The following VPS54 variants were observed in gnomAD, a reference collection of about 807,000 sequenced individuals.
VPS54 encodes the protein VPS54 subunit of GARP complex.
In VPS54, 45 loss-of-function variants were observed where a neutral mutation model predicts 121.5. That is an observed-to-expected ratio of 0.37 (90% CI 0.29 to 0.47). VPS54 has a LOEUF of 0.47. Ranked by LOEUF, VPS54 falls within the 20% of genes least tolerant of loss-of-function variation. The pLI, the probability that VPS54 is intolerant of heterozygous loss-of-function variation, is 0.99. For synonymous variants in VPS54, 371 were observed against 385.8 expected, an observed-to-expected ratio of 0.96 and a Z score of 0.45; for missense variants, 1,090 against 1,131.4, an observed-to-expected ratio of 0.96 and a Z score of 0.52.
At chr2:63,957,258 C>T (rs753050016) in intron 7 of VPS54, among the ~76,000 whole-genome samples, 41 of 151,830 alleles carry the variant, frequency 2.7e-4, no homozygotes, top group Non-Finnish European at 6.0e-4. Flanking sequence ...CTGGCTAACA[C>T]GGTGAAACCC....
At chr2:63,975,065 A>G in intron 3 of VPS54, 1 of 1,542,812 alleles carries the variant, frequency 6.5e-7, no homozygotes, top group Non-Finnish European at 8.7e-7. Flanking sequence ...TTCTTTTTTG[A>G]GACAGAGTCT....
At chr2:63,898,917 A>T (rs1672554207) in intron 21 of VPS54, among the ~76,000 whole-genome samples, 1 of 152,124 alleles carries the variant, frequency 6.6e-6, no homozygotes, top group Non-Finnish European at 1.5e-5. Flanking sequence ...TTTGTAAGGG[A>T]ATACAGTAGC....
intron 1 of VPS54, among the ~76,000 whole-genome samples, chr2:63,995,365 G>A (rs750237183): frequency 1.5e-4 from 23 of 152,180 alleles, no homozygotes; most frequent in South Asian, 8.3e-4. Flanking sequence ...ATGTTGGTTC[G>A]AGCTGGAGAA....
intron 5 of VPS54, among the ~76,000 whole-genome samples, chr2:63,967,854 C>A (rs990758429): frequency 6.6e-6 from 1 of 150,530 alleles, no homozygotes; most frequent in South Asian, 2.1e-4. Flanking sequence ...TTGGAAAGAA[C>A]AAGAAAGTAC....
chr2:64,003,275 C>T (rs1677969756), intron 1 of VPS54, among the ~76,000 whole-genome samples: 1 of 152,140 alleles, frequency 6.6e-6, no homozygotes, highest in African/African-American at 2.4e-5. Context: ...AGTTAACTAC[C>T]ATCTAGAAAC....
chr2:63,931,091 A>C (rs1459234183), intron 12 of VPS54, among the ~76,000 whole-genome samples: 1 of 152,238 alleles, frequency 6.6e-6, no homozygotes, highest in African/African-American at 2.4e-5. Flanking sequence ...CTTACTGCCA[A>C]AAGTAATTTA....
intron 1 of VPS54, among the ~76,000 whole-genome samples, chr2:63,984,452 T>C (rs1676947593): frequency 6.6e-6 from 1 of 152,158 alleles, no homozygotes; most frequent in African/African-American, 2.4e-5. Context: ...TCCTCATCAG[T>C]GAAATGGAGA....
At chr2:63,986,358 G>C (rs151172833) in intron 1 of VPS54, among the ~76,000 whole-genome samples, 2 of 152,090 alleles carry the variant, frequency 1.3e-5, no homozygotes, top group African/African-American at 4.8e-5. Context: ...ACAAATAAGG[G>C]AGAACATGTG....
chr2:63,915,581 G>A (rs912871971), intron 16 of VPS54, among the ~76,000 whole-genome samples: 2 of 152,176 alleles, frequency 1.3e-5, no homozygotes, highest in Non-Finnish European at 2.9e-5. Flanking sequence ...TCTGCCTAAA[G>A]AGCCAAAAGC....
chr2:63,967,275 C>T (rs999574659), intron 5 of VPS54, among the ~76,000 whole-genome samples: 1 of 151,926 alleles, frequency 6.6e-6, no homozygotes, highest in African/African-American at 2.4e-5. Flanking sequence ...TTTCTAATCC[C>T]TGCTTTGGTA....
chr2:63,911,618 C>G (rs148359752), intron 20 of VPS54, among the ~76,000 whole-genome samples: 254 of 152,322 alleles, frequency 1.7e-3, no homozygotes, highest in African/African-American at 5.7e-3. Flanking sequence ...ATGGACACCA[C>G]TTTATCTTGC....
intron 7 of VPS54, among the ~76,000 whole-genome samples, chr2:63,953,824 A>G (rs1326518205): frequency 1.3e-5 from 2 of 152,176 alleles, no homozygotes; most frequent in Non-Finnish European, 2.9e-5. Context: ...TATGGTTTTC[A>G]CTTCTTCAAT....
chr2:63,955,965 T>C (rs2104545518), intron 7 of VPS54, among the ~76,000 whole-genome samples: 1 of 152,244 alleles, frequency 6.6e-6, no homozygotes, highest in Middle Eastern at 3.4e-3. Context: ...AACTAAAATA[T>C]CACTTTCTGA....
rs1000837565 is a variant in VPS54 at position 63,920,685 on chromosome 2, C to G, written c.1870-58G>C. The G allele has an allele frequency of 1.4e-5, 15 of 1,042,218 alleles. No individual in the cohort carries two copies. The Middle Eastern group carries it at 1.0e-3, about 71-fold the overall frequency. The allele number at this position is 1,042,218 out of a possible 1,614,324, so 64.6% of individuals were successfully genotyped here. On this transcript the variant is annotated intron_variant, in intron 13 of 22. Transcript: ENST00000272322. ...TGTAACACCAAATTGAGTTATGAAA[C>G]CAAGTTAGTTTAACGATTATTATAA...
At position 63,975,282 on chromosome 2, in the gene VPS54, A is replaced by G. The variant is rs143438193; in HGVS notation, c.379-3038T>C. The G allele has an allele frequency of 6.9e-4, 256 of 372,288 alleles. 1 individual carries two copies. The highest frequency in any genetic ancestry group is 1.1e-3 in the Non-Finnish European group (222 of 206,358). 23.1% of individuals were successfully genotyped at this position (372,288 alleles called of 1,614,324 possible). A position where few individuals can be genotyped will look rare whatever the true frequency, so the allele number is the denominator to read the frequency against. On this transcript the variant is annotated intron_variant, in intron 3 of 22. Transcript: ENST00000272322. ...AAGCTGTTCTTGTCCATTCTTGGGC[A>G]TAGGGTGAACTAACTTTGGGAGGAA...
chr2:63,947,428 G>A lies in VPS54; in HGVS notation c.1200C>T (p.Ile400=). The part of the protein sequence containing the change: ...LKQRKLNFLE[I]YGEKMVITAK... Reference sequence around the variant, plus strand: ...CTGTAATAACCATTTTTTCACCATAGATTTCTAAAAAATTAAGCTTTCTTT... The same window carrying A: ...CTGTAATAACCATTTTTTCACCATAAATTTCTAAAAAATTAAGCTTTCTTT... The change falls in exon 9 of 23, where the codon ATC becomes ATT. Residue 400 remains isoleucine, a synonymous_variant. Coordinates refer to ENST00000272322, the MANE Select transcript of VPS54 (RefSeq NM_016516.3). 1.3e-6 allele frequency: 2 copies of A among 1,553,046 alleles called. No homozygotes were observed. Among genetic ancestry groups the A allele is most frequent in the East Asian group, 2.3e-5 (1 of 43,366 alleles).
intron 7 of VPS54, among the ~76,000 whole-genome samples, chr2:63,957,774 T>C (rs1174990187): frequency 6.6e-6 from 1 of 152,088 alleles, no homozygotes; most frequent in Non-Finnish European, 1.5e-5. Flanking sequence ...TAATTACAAA[T>C]CATGAAAAAG....
At chr2:63,963,309 T>C (rs1487253333) in intron 6 of VPS54, among the ~76,000 whole-genome samples, 2 of 152,146 alleles carry the variant, frequency 1.3e-5, no homozygotes, top group Non-Finnish European at 2.9e-5. Flanking sequence ...TGGTAATATA[T>C]ATTTAAAATG....
chr2:63,926,344 A>G (rs1673899988), intron 12 of VPS54, among the ~76,000 whole-genome samples: 1 of 152,208 alleles, frequency 6.6e-6, no homozygotes, highest in Non-Finnish European at 1.5e-5. Context: ...CCTAACTAGT[A>G]AATGTGAAAA....
Sources: gnomAD v4.1 joint callset for allele counts (sites outside exome capture counted in the v4.1 genomes callset) on GRCh38, gnomAD v4.1.1 for gene constraint, MANE v1.5 for transcripts, NCBI Gene and HGNC (gene_info 2026-07-23, HGNC 2026-07-21) for gene names.